The following CPNE4 variants were observed in gnomAD, a reference collection of about 807,000 sequenced individuals.
CPNE4 encodes the protein copine-4.
CPNE4 carries 25 observed loss-of-function variants against 67.9 expected under a neutral mutation model. That is an observed-to-expected ratio of 0.37 (90% CI 0.27 to 0.51). The LOEUF (loss-of-function observed/expected upper bound fraction) is 0.51. CPNE4 is among the 20% of genes least tolerant of loss of function. The pLI is 0.93. For missense variants in CPNE4, 464 were observed against 690.8 expected, an observed-to-expected ratio of 0.67 and a Z score of 3.68; for synonymous variants, 242 against 244.9, an observed-to-expected ratio of 0.99 and a Z score of 0.11.
At chr3:131,841,725 G>A (rs975473178) in intron 2 of CPNE4, among the ~76,000 whole-genome samples, 2 of 152,198 alleles carry the variant, frequency 1.3e-5, no homozygotes, top group African/African-American at 4.8e-5. Context: ...TAATGAACAT[G>A]GAGATGGACC....
chr3:131,719,573 T>C (rs1268161909), intron 3 of CPNE4, among the ~76,000 whole-genome samples: 1 of 152,242 alleles, frequency 6.6e-6, no homozygotes, highest in Non-Finnish European at 1.5e-5. Flanking sequence ...TTCTTTTTAG[T>C]TCCTCATATG....
intron 1 of CPNE4, among the ~76,000 whole-genome samples, chr3:131,935,297 TA>T (rs932587471): frequency 2.0e-5 from 3 of 152,058 alleles, no homozygotes; most frequent in African/African-American, 7.2e-5. Context: ...CTGGATAGAA[TA>T]AAAATGAAAC....
At chr3:131,608,726 A>G (rs1939651392) in intron 7 of CPNE4, among the ~76,000 whole-genome samples, 1 of 152,158 alleles carries the variant, frequency 6.6e-6, no homozygotes, top group Admixed American at 6.5e-5. Flanking sequence ...TTCATAAACC[A>G]ATGTGTGACT....
chr3:131,768,754 C>T (rs1372040166), intron 2 of CPNE4, among the ~76,000 whole-genome samples: 7 of 152,056 alleles, frequency 4.6e-5, no homozygotes, highest in African/African-American at 1.7e-4. Context: ...GCCACACTTC[C>T]CTGCCATGCA....
At chr3:131,947,371 T>A (rs1186021509) in intron 1 of CPNE4, among the ~76,000 whole-genome samples, 1 of 152,218 alleles carries the variant, frequency 6.6e-6, no homozygotes, top group Non-Finnish European at 1.5e-5. Context: ...TTTGTCCTAA[T>A]GCTCTTTCTC....
chr3:131,607,355 GA>G (rs1162850977), intron 7 of CPNE4, among the ~76,000 whole-genome samples: 1 of 152,064 alleles, frequency 6.6e-6, no homozygotes, highest in Non-Finnish European at 1.5e-5. Context: ...CCCATCATTG[GA>G]CAGACCAATA....
intron 2 of CPNE4, among the ~76,000 whole-genome samples, chr3:131,726,674 A>G (rs1347031827): frequency 7.9e-6 from 1 of 126,542 alleles, no homozygotes; most frequent in African/African-American, 3.0e-5. Context: ...TTTTCCCAAA[A>G]GATCATTCAC....
intron 7 of CPNE4, among the ~76,000 whole-genome samples, chr3:131,615,313 C>T (rs760464681): frequency 1.3e-5 from 2 of 152,140 alleles, no homozygotes; most frequent in Admixed American, 6.6e-5. Flanking sequence ...CATAGAAAAG[C>T]CCTGGTCTCA....
chr3:131,878,377 C>T (rs1212410184), intron 2 of CPNE4, among the ~76,000 whole-genome samples: 2 of 151,884 alleles, frequency 1.3e-5, no homozygotes, highest in Non-Finnish European at 2.9e-5. Context: ...AGAGCACATG[C>T]GGTATGATAT....
chr3:131,914,386 C>T (rs990700368), intron 1 of CPNE4, among the ~76,000 whole-genome samples: 8 of 152,164 alleles, frequency 5.3e-5, no homozygotes, highest in Non-Finnish European at 1.2e-4. Flanking sequence ...CTGAATGTCA[C>T]CTGGTGGCTG....
chr3:131,626,222 C>G (rs372332204), intron 7 of CPNE4, among the ~76,000 whole-genome samples: 4 of 152,208 alleles, frequency 2.6e-5, no homozygotes, highest in Non-Finnish European at 5.9e-5. Context: ...AGTCACATGT[C>G]TCTCACTTTA....
intron 2 of CPNE4, among the ~76,000 whole-genome samples, chr3:131,782,085 ACTT>A (rs1204053590): frequency 1.3e-5 from 2 of 152,106 alleles, no homozygotes; most frequent in Non-Finnish European, 2.9e-5. Flanking sequence ...AAATACCACT[ACTT>A]TTATATTTCT....
chr3:131,845,975 T>G (rs1225054169), intron 2 of CPNE4, among the ~76,000 whole-genome samples: 1 of 152,172 alleles, frequency 6.6e-6, no homozygotes, highest in Non-Finnish European at 1.5e-5. Flanking sequence ...TTGCTTTTAT[T>G]CTCAATTCTG....
intron 1 of CPNE4, among the ~76,000 whole-genome samples, chr3:131,987,966 TCCTTTAGGAAG>T (rs2073095034): frequency 6.6e-6 from 1 of 152,202 alleles, no homozygotes; most frequent in African/African-American, 2.4e-5. Context: ...GCATTTGGCT[TCCTTTAGGAAG>T]CCACAGTCTA....
chr3:131,821,364 G>A (rs2084953604), intron 2 of CPNE4, among the ~76,000 whole-genome samples: 2 of 152,176 alleles, frequency 1.3e-5, no homozygotes, highest in South Asian at 2.1e-4. Flanking sequence ...GCAACTGGAC[G>A]GACCCCTGAA....
intron 2 of CPNE4, among the ~76,000 whole-genome samples, chr3:131,797,195 A>G (rs1296564740): frequency 6.6e-6 from 1 of 152,226 alleles, no homozygotes. Context: ...TCAAAGCAGA[A>G]TACTTTACAC....
chr3:131,682,238 T>C (rs2080777290), intron 6 of CPNE4, among the ~76,000 whole-genome samples: 1 of 152,182 alleles, frequency 6.6e-6, no homozygotes, highest in Non-Finnish European at 1.5e-5. Context: ...ATATTTACTG[T>C]AGTCTTTGCA....
At chr3:131,847,542 G>A (rs1461259819) in intron 2 of CPNE4, among the ~76,000 whole-genome samples, 1 of 152,130 alleles carries the variant, frequency 6.6e-6, no homozygotes, top group Non-Finnish European at 1.5e-5. Context: ...GATAGGTAGT[G>A]GAATTCAGGG....
chr3:131,801,389 T>A (rs1478820504), intron 2 of CPNE4, among the ~76,000 whole-genome samples: 12 of 65,724 alleles, frequency 1.8e-4, no homozygotes, highest in African/African-American at 7.6e-4. Flanking sequence ...ATATATATGG[T>A]ACATATATAT....
Sources: gnomAD v4.1 joint callset for allele counts (sites outside exome capture counted in the v4.1 genomes callset) on GRCh38, gnomAD v4.1.1 for gene constraint, MANE v1.5 for transcripts, NCBI Gene and HGNC (gene_info 2026-07-23, HGNC 2026-07-21) for gene names.